Variants in MOB1B observed in about 807,000 individuals in gnomAD.
The protein encoded by MOB1B is MOB1 Mps One Binder homolog B.
A neutral mutation model predicts 24.4 loss-of-function variants in MOB1B; 19 were observed. The observed-to-expected ratio is 0.78, with a 90% CI of 0.54 to 1.14. MOB1B has a LOEUF of 1.14. MOB1B is among the 50% of genes most tolerant of loss of function. MOB1B has a pLI of 0.00. For missense variants in MOB1B, 243 were observed against 259.6 expected (o/e 0.94, Z 0.44); for synonymous variants, 76 against 82.1 (o/e 0.93, Z 0.40).
rs1739295739 is a variant in MOB1B at position 70,983,818 on chromosome 4, CTGGCAGAGTTAAATATCT to C, written c.*1765_*1782del. On this transcript the variant is annotated 3_prime_UTR_variant, in exon 6 of 6. Transcript: ENST00000309395. ...CCAACAGTAGAAGTAACAGGAAAGC[CTGGCAGAGTTAAATATCT>C]TGGACATTTATTGGTAAAGCTTATT... The C allele has an allele frequency of 6.6e-6, 1 of 152,542 alleles. No individual in the cohort carries two copies. The highest frequency in any genetic ancestry group is 1.9e-4 in the East Asian group (1 of 5,200). The allele number at this position is 152,542 out of a possible 1,614,324, so 9.4% of individuals were successfully genotyped here. A position where few individuals can be genotyped will look rare whatever the true frequency, so the allele number is the denominator to read the frequency against.
intron 1 of MOB1B, among the ~76,000 whole-genome samples, chr4:70,934,812 TTTTG>T (rs1163491530): frequency 1.1e-4 from 17 of 152,144 alleles, no homozygotes; most frequent in African/African-American, 3.6e-4. Flanking sequence ...TCCGTAATTG[TTTTG>T]TTTAATTTCA....
At chr4:70,968,397 C>T (rs932736877) in intron 2 of MOB1B, among the ~76,000 whole-genome samples, 2 of 152,026 alleles carry the variant, frequency 1.3e-5, no homozygotes, top group South Asian at 2.1e-4. Flanking sequence ...CTGCAACCTC[C>T]GCCTCCCAGG....
chr4:70,953,783 A>C (rs1737910580), intron 1 of MOB1B, among the ~76,000 whole-genome samples: 1 of 152,116 alleles, frequency 6.6e-6, no homozygotes, highest in African/African-American at 2.4e-5. Flanking sequence ...GTCTCTACTG[A>C]AGATACAAAA....
At chr4:70,966,262 G>T (rs900722375) in intron 2 of MOB1B, among the ~76,000 whole-genome samples, 1 of 152,098 alleles carries the variant, frequency 6.6e-6, no homozygotes, top group South Asian at 2.1e-4. Flanking sequence ...AGCATCTGAG[G>T]GGCCTCAGGT....
At chr4:70,940,636 T>C (rs552825943) in intron 1 of MOB1B, among the ~76,000 whole-genome samples, 1 of 152,298 alleles carries the variant, frequency 6.6e-6, no homozygotes, top group South Asian at 2.1e-4. Flanking sequence ...CCTTTCGTTT[T>C]TGTTTTCAGG....
chr4:70,943,691 T>A (rs1737445859), intron 1 of MOB1B, among the ~76,000 whole-genome samples: 1 of 152,182 alleles, frequency 6.6e-6, no homozygotes, highest in Non-Finnish European at 1.5e-5. Context: ...ACACTTCTCA[T>A]AGCTTGGTAA....
At chr4:70,965,901 T>C (rs1738508070) in intron 2 of MOB1B, among the ~76,000 whole-genome samples, 1 of 151,704 alleles carries the variant, frequency 6.6e-6, no homozygotes, top group Non-Finnish European at 1.5e-5. Context: ...AACCTAATTC[T>C]TATAAAAATT....
chr4:70,967,783 A>C (rs1174814652), intron 2 of MOB1B, among the ~76,000 whole-genome samples: 4 of 152,226 alleles, frequency 2.6e-5, no homozygotes, highest in Admixed American at 2.6e-4. Context: ...TGAAACCTGG[A>C]AACTATTCCT....
intron 1 of MOB1B, among the ~76,000 whole-genome samples, chr4:70,949,028 T>TC (rs925893110): frequency 6.6e-6 from 1 of 152,184 alleles, no homozygotes; most frequent in African/African-American, 2.4e-5. Flanking sequence ...CAGGGTCCTC[T>TC]CCCGTAGTCT....
upstream of MOB1B, among the ~76,000 whole-genome samples, chr4:70,901,949 C>T (rs1476806635): frequency 1.3e-5 from 2 of 152,130 alleles, no homozygotes; most frequent in Non-Finnish European, 2.9e-5. Context: ...ATGCCATTAC[C>T]TTTCACCGCC....
chr4:70,921,266 C>G (rs991572476), intron 1 of MOB1B, among the ~76,000 whole-genome samples: 2 of 152,098 alleles, frequency 1.3e-5, no homozygotes, highest in African/African-American at 2.4e-5. Context: ...ATTATACATT[C>G]TATGCAGTCA....
chr4:70,902,738 A>G (rs1735568330), intron 1 of MOB1B, among the ~76,000 whole-genome samples, 188 bp downstream of exon 1: 1 of 151,970 alleles, frequency 6.6e-6, no homozygotes, highest in Non-Finnish European at 1.5e-5. Flanking sequence ...CCGCCTCCCC[A>G]TAGGGCTTCG....
At position 70,983,445 on chromosome 4, in the gene MOB1B, C is replaced by T. The variant is rs1457492227; in HGVS notation, c.*1388C>T. 6.6e-6 allele frequency: 1 copy of T among 152,304 alleles called. No individual in the cohort carries two copies. The highest frequency in any genetic ancestry group is 2.4e-5 in the African/African-American group (1 of 41,442). The allele number at this position is 152,304 out of a possible 1,614,324, so 9.4% of individuals were successfully genotyped here. ...GAATTATTACCATAAATAACAATTT[C>T]AGAAACTTAGTTTTTAGAATAAATA... On this transcript the variant is annotated 3_prime_UTR_variant, in exon 6 of 6. Coordinates refer to ENST00000309395, the MANE Select transcript of MOB1B (RefSeq NM_173468.4).
At chr4:70,980,656 T>C (rs989582448) in intron 5 of MOB1B, among the ~76,000 whole-genome samples, 34 of 152,190 alleles carry the variant, frequency 2.2e-4, no homozygotes, top group African/African-American at 7.5e-4. Context: ...TCCATAGGGC[T>C]AAGAATATGC....
In MOB1B at chr4:70,960,355, T is replaced by C. The variant is rs1446770237; in HGVS notation, c.181+1315T>C. On this transcript the variant is annotated intron_variant, in intron 2 of 5. Transcript: ENST00000309395. ...TAAAAGCTTCAGCGTTTTTCAACAT[T>C]AGTGAAAAAAATAGTAATAATAGAA... Among the ~76,000 whole-genome samples the C allele has an allele frequency of 3.3e-5, 5 of 152,102 alleles. No homozygotes were observed. In the South Asian group the frequency reaches 8.3e-4, roughly 25 times the overall value.
chr4:70,959,099 G>A, intron 2 of MOB1B, 59 bp downstream of exon 2: 1 of 1,402,154 alleles, frequency 7.1e-7, no homozygotes, highest in Non-Finnish European at 1.0e-6. Flanking sequence ...CTCATTGTTG[G>A]TGAGTGTTGG....
At chr4:70,916,653 T>C (rs1380341275) in intron 1 of MOB1B, among the ~76,000 whole-genome samples, 1 of 152,110 alleles carries the variant, frequency 6.6e-6, no homozygotes, top group Non-Finnish European at 1.5e-5. Context: ...CTGCAACCTC[T>C]GCCTCCCGGG....
intron 1 of MOB1B, chr4:70,950,947 G>C (rs558096267): frequency 2.3e-5 from 14 of 615,208 alleles, no homozygotes; most frequent in East Asian, 1.5e-4. Context: ...ACTTCTTCGA[G>C]ACCCTGGTTC....
intron 3 of MOB1B, among the ~76,000 whole-genome samples, chr4:70,971,044 C>T (rs766535967): frequency 8.5e-5 from 13 of 152,188 alleles, no homozygotes; most frequent in South Asian, 2.1e-4. Flanking sequence ...TTACCCGTCA[C>T]GGGACTGTTT....
Sources: gnomAD v4.1 joint callset for allele counts (sites outside exome capture counted in the v4.1 genomes callset) on GRCh38, gnomAD v4.1.1 for gene constraint, MANE v1.5 for transcripts, NCBI Gene and HGNC (gene_info 2026-07-23, HGNC 2026-07-21) for gene names.